The following PPP1R1C variants were observed in gnomAD, a reference collection of about 807,000 sequenced individuals.
PPP1R1C encodes the protein protein phosphatase 1 regulatory subunit 1C.
A neutral mutation model predicts 17.4 loss-of-function variants in PPP1R1C; 15 were observed. The ratio of observed to expected loss-of-function variants is 0.86; its 90% confidence interval spans 0.58 to 1.33. The LOEUF is 1.33. Among genes scored for constraint, PPP1R1C ranks in the 40% most tolerant of loss-of-function variants. The pLI, the probability that PPP1R1C is intolerant of heterozygous loss-of-function variation, is 0.00. For missense variants in PPP1R1C, 143 were observed against 130.0 expected, an observed-to-expected ratio of 1.10 and a Z score of -0.48; for synonymous variants, 35 against 43.1, an observed-to-expected ratio of 0.81 and a Z score of 0.73.
intron 2 of PPP1R1C, among the ~76,000 whole-genome samples, chr2:182,010,038 A>G (rs1227911218): frequency 1.3e-5 from 2 of 151,782 alleles, no homozygotes; most frequent in Non-Finnish European, 3.0e-5. Context: ...TCTGTAGTAT[A>G]AAGTCAGGTA....
rs1426695002 is a variant in PPP1R1C, at chr2:182,051,784, A to C, written c.143-9658A>C. Among the ~76,000 whole-genome samples, 5 of 152,294 alleles carry C rather than the reference A, an allele frequency of 3.3e-5. No homozygotes were observed. In the East Asian group the frequency reaches 5.8e-4, roughly 18 times the overall value. Reference sequence around the variant, plus strand: ...GTTAAACCATTTGTTTTTTGATATTAGAGTGTATATGAGATGTTTTAGGTT... The same window carrying C: ...GTTAAACCATTTGTTTTTTGATATTCGAGTGTATATGAGATGTTTTAGGTT... On this transcript the variant is annotated intron_variant, in intron 2 of 4. Coordinates refer to ENST00000682840, the MANE Select transcript of PPP1R1C (RefSeq NM_001080545.3).
intron 2 of PPP1R1C, among the ~76,000 whole-genome samples, chr2:181,978,117 G>A (rs756251959): frequency 7.2e-5 from 11 of 152,150 alleles, no homozygotes; most frequent in Non-Finnish European, 5.9e-5. Context: ...TTGTGCAGGG[G>A]AAGTCCCAGT....
intron 4 of PPP1R1C, among the ~76,000 whole-genome samples, chr2:182,107,600 A>ATGGTCT (rs1167431902): frequency 6.6e-6 from 1 of 152,116 alleles, no homozygotes; most frequent in East Asian, 1.9e-4. Context: ...AGCTTTACTG[A>ATGGTCT]TGGTCTTATT....
chr2:182,058,441 C>G (rs1001672137), intron 2 of PPP1R1C, among the ~76,000 whole-genome samples: 8 of 152,050 alleles, frequency 5.3e-5, no homozygotes, highest in African/African-American at 9.7e-5. Flanking sequence ...GGTCACCTGG[C>G]AGAATTAAGT....
At chr2:181,959,166 C>T (rs1330199382) in intron 1 of PPP1R1C, among the ~76,000 whole-genome samples, 1 of 152,180 alleles carries the variant, frequency 6.6e-6, no homozygotes, top group African/African-American at 2.4e-5. Flanking sequence ...AAATTTTAGT[C>T]ATTCTAAATG....
At chr2:182,090,303 G>A (rs1328442709) in intron 4 of PPP1R1C, among the ~76,000 whole-genome samples, 1 of 151,828 alleles carries the variant, frequency 6.6e-6, no homozygotes, top group Non-Finnish European at 1.5e-5. Flanking sequence ...GTGTGTGTGT[G>A]TGTGTGTGTG....
Position 181,961,421 on chromosome 2 carries a change from C to T in PPP1R1C, n.111+6787C>T. 2 of 754,692 alleles carry T rather than the reference C, an allele frequency of 2.7e-6. No individual in the cohort carries two copies. Among genetic ancestry groups the T allele is most frequent in the South Asian group, 1.5e-5 (1 of 68,690 alleles). The allele number at this position is 754,692 out of a possible 1,614,324, so 46.7% of individuals were successfully genotyped here. A position where few individuals can be genotyped will look rare whatever the true frequency, so the allele number is the denominator to read the frequency against. On this transcript the variant is annotated intron_variant and non_coding_transcript_variant, in intron 1 of 5. Transcript: ENST00000464264. This position sits in a 1 kb window ranked among gnomAD's most constrained non-coding sequence, Gnocchi z 5.8. ...TCCCCGATCTGGTGCTGTCCCTCTG[C>T]CCGGCTCTGTGCCATCTCTGACTCC...
intron 2 of PPP1R1C, among the ~76,000 whole-genome samples, chr2:181,979,538 C>T (rs1376604736): frequency 1.3e-5 from 2 of 152,228 alleles, no homozygotes; most frequent in African/African-American, 2.4e-5. Context: ...ATGTGAATCT[C>T]TTTAGTTCCT....
rs1284555070 is a variant in PPP1R1C, at chr2:181,961,161, TA to T, written n.111+6528del. The T allele has an allele frequency of 2.7e-6, 2 of 730,098 alleles. No individual in the cohort carries two copies. Among genetic ancestry groups the T allele is most frequent in the Non-Finnish European group, 4.8e-6 (2 of 414,572 alleles). 45.2% of individuals were successfully genotyped at this position (730,098 alleles called of 1,614,324 possible). A position where few individuals can be genotyped will look rare whatever the true frequency, so the allele number is the denominator to read the frequency against. ...TCCTTCCTTTCACCTCTGAACTTTT[TA>T]TTGACCTCCTGCTCCCCAAAGGGTA... On this transcript the variant is annotated intron_variant and non_coding_transcript_variant, in intron 1 of 5. Coordinates refer to the PPP1R1C transcript ENST00000464264. The surrounding 1 kb of genome is among the most constrained non-coding windows in gnomAD (Gnocchi z 5.8).
intron 1 of PPP1R1C, among the ~76,000 whole-genome samples, chr2:181,987,474 G>A (rs535636566): frequency 6.6e-6 from 1 of 152,244 alleles, no homozygotes; most frequent in South Asian, 2.1e-4. Flanking sequence ...AAAAATAAGG[G>A]TAATGAATCT....
chr2:182,117,160 C>G, intron 4 of PPP1R1C, 47 bp from the exon 5 acceptor site: 1 of 1,303,058 alleles, frequency 7.7e-7, no homozygotes, highest in Non-Finnish European at 1.1e-6. Context: ...GGTTAATATT[C>G]CAGAAATGAA....
intron 5 of PPP1R1C, among the ~76,000 whole-genome samples, chr2:182,123,047 C>T (rs1292404771): frequency 6.6e-6 from 1 of 152,162 alleles, no homozygotes; most frequent in East Asian, 1.9e-4. Context: ...TGCTCCCCTC[C>T]CTGTGCCCAT....
chr2:182,085,445 T>C (rs1204471888), intron 4 of PPP1R1C, among the ~76,000 whole-genome samples: 1 of 152,140 alleles, frequency 6.6e-6, no homozygotes, highest in Non-Finnish European at 1.5e-5. Flanking sequence ...GTTACAAATT[T>C]TTTTCTAAAA....
rs1449547669 is a variant in PPP1R1C, at chr2:182,117,254, G to C, written c.289G>C (p.Glu97Gln). 1.9e-6 allele frequency: 3 copies of C among 1,564,748 alleles called. No homozygotes were observed. In the Admixed American group the frequency reaches 5.7e-5, roughly 30 times the overall value. ...GQNESAFPEEEEGTNEREEQR... is the reference protein window; with the variant it reads ...GQNESAFPEEQEGTNEREEQR... ...GAATGAATCAGCATTCCCTGAAGAA[G>C]AAGAAGGCACCAATGAAAGAGAGGA... Residue 97 changes from glutamate (E) to glutamine (Q), a missense_variant, in exon 5 of 5, where the codon GAA becomes CAA. By Grantham distance (29) the Glu-to-Gln change is conservative (BLOSUM62 2). Transcript: ENST00000682840.
Position 181,999,004 on chromosome 2 carries a change from C to T in PPP1R1C, c.142+11105C>T, listed in dbSNP as rs984884189. On this transcript the variant is annotated intron_variant, in intron 2 of 4. Transcript: ENST00000682840. The stretch of plus-strand genomic sequence containing the variant: ...CTTGGTGAATAGCCCAGAGTTCCTG[C>T]TTCACTTAGCCAATAAAGGACAATT... 2.0e-5 allele frequency among the ~76,000 whole-genome samples: 3 copies of T among 152,146 alleles called. No individual in the cohort carries two copies. The South Asian group carries it at 6.2e-4, about 31-fold the overall frequency.
intron 5 of PPP1R1C, among the ~76,000 whole-genome samples, chr2:182,124,839 A>T (rs1689835342): frequency 6.6e-6 from 1 of 152,194 alleles, no homozygotes; most frequent in East Asian, 1.9e-4. Context: ...TGTCATCTGC[A>T]AACAGAGATA....
chr2:182,087,168 G>A (rs544952047), intron 4 of PPP1R1C, among the ~76,000 whole-genome samples: 1 of 152,328 alleles, frequency 6.6e-6, no homozygotes, highest in African/African-American at 2.4e-5. Flanking sequence ...GACTACTGCA[G>A]TAACCTCTAA....
intron 4 of PPP1R1C, among the ~76,000 whole-genome samples, chr2:182,106,278 A>G (rs1262887885): frequency 1.3e-5 from 2 of 152,154 alleles, no homozygotes; most frequent in Non-Finnish European, 2.9e-5. Context: ...TGCATTTTCC[A>G]AGACCACTCT....
intron 1 of PPP1R1C, among the ~76,000 whole-genome samples, chr2:181,955,055 C>T (rs1362028610): frequency 2.0e-5 from 3 of 152,054 alleles, no homozygotes; most frequent in Non-Finnish European, 4.4e-5. Context: ...ACTTATTATT[C>T]CATTTATAAA....
Sources: gnomAD v4.1 joint callset for allele counts (sites outside exome capture counted in the v4.1 genomes callset) on GRCh38, gnomAD v4.1.1 for gene constraint, Gnocchi (gnomAD v3.1) non-coding constraint, MANE v1.5 for transcripts, NCBI Gene and HGNC (gene_info 2026-07-23, HGNC 2026-07-21) for gene names.